ZNF431: variants seen among roughly 807,000 people sequenced by gnomAD.
ZNF431 encodes zinc finger protein 431.
A neutral mutation model predicts 57.0 loss-of-function variants in ZNF431; 34 were observed. The ratio of observed to expected loss-of-function variants is 0.60; its 90% CI spans 0.45 to 0.79. The LOEUF (loss-of-function observed/expected upper bound fraction) is 0.79, where lower values mean the gene tolerates loss of function less well. Among genes scored for constraint, ZNF431 ranks in the 30% least tolerant of loss-of-function variants. The pLI, the probability that ZNF431 is intolerant of heterozygous loss-of-function variation, is 0.00. For missense variants in ZNF431, 607 were observed against 667.1 expected (o/e 0.91, Z 0.99); for synonymous variants, 207 against 220.3 (o/e 0.94, Z 0.54).
In ZNF431 at chr19:21,185,085, G is replaced by T. The variant is rs968280243; in HGVS notation, c.*1051G>T. ...GTTATACTAGAATATATTTTTTCCA[G>T]ATGCAGTAAAAGTAAAATATTTAAT... On this transcript the variant is annotated 3_prime_UTR_variant, in exon 5 of 5. Coordinates refer to ENST00000311048, the MANE Select transcript of ZNF431 (RefSeq NM_133473.4). 2 of 152,074 alleles carry T rather than the reference G, an allele frequency of 1.3e-5. No individual in the cohort carries two copies. Among genetic ancestry groups the T allele is most frequent in the Non-Finnish European group, 2.9e-5 (2 of 68,000 alleles). The allele number at this position is 152,074 out of a possible 1,614,324, so 9.4% of individuals were successfully genotyped here.
intron 4 of ZNF431, among the ~76,000 whole-genome samples, chr19:21,182,127 G>T (rs981261200): frequency 6.6e-6 from 1 of 151,536 alleles, no homozygotes; most frequent in Non-Finnish European, 1.5e-5. Flanking sequence ...TTTACCTTTG[G>T]TCTCAGCAGA....
In ZNF431 at chr19:21,188,264, A is replaced by C. The variant is rs1173857305; in HGVS notation, c.*4230A>C. The C allele has an allele frequency of 6.6e-6, 1 of 151,988 alleles. No homozygotes were observed. The highest frequency in any genetic ancestry group is 1.5e-5 in the Non-Finnish European group (1 of 67,996). 9.4% of individuals were successfully genotyped at this position (151,988 alleles called of 1,614,324 possible). A position where few individuals can be genotyped will look rare whatever the true frequency, so the allele number is the denominator to read the frequency against. On this transcript the variant is annotated 3_prime_UTR_variant, in exon 5 of 5. Coordinates refer to ENST00000311048, the MANE Select transcript of ZNF431 (RefSeq NM_133473.4). ...CAAGAGCGAAATTCTGTCTAAAAAA[A>C]AAAAAAAAAGATAAAAGGTGCAATA...
Position 21,190,833 on chromosome 19 carries a change from G to T in ZNF431, c.*6799G>T, listed in dbSNP as rs530978471. ...AATGCCACTGCGCCCAGCTAATTTT[G>T]TATTTTTAGTAGAGACGGGGTTTTT... On this transcript the variant is annotated 3_prime_UTR_variant, in exon 5 of 5. Coordinates refer to ENST00000311048, the MANE Select transcript of ZNF431 (RefSeq NM_133473.4). The T allele has an allele frequency of 6.6e-6, 1 of 151,834 alleles. No individual in the cohort carries two copies. The highest frequency in any genetic ancestry group is 3.4e-3 in the Middle Eastern group (1 of 294). The allele number at this position is 151,834 out of a possible 1,614,324, so 9.4% of individuals were successfully genotyped here. A position where few individuals can be genotyped will look rare whatever the true frequency, so the allele number is the denominator to read the frequency against.
At chr19:21,180,860 T>C (rs1281760328) in intron 4 of ZNF431, among the ~76,000 whole-genome samples, 1 of 150,882 alleles carries the variant, frequency 6.6e-6, no homozygotes, top group Non-Finnish European at 1.5e-5. Context: ...GGCAAGAGAA[T>C]CACTTGAACC....
chr19:21,169,387 A>G (rs1290845093), intron 4 of ZNF431, among the ~76,000 whole-genome samples: 3 of 152,178 alleles, frequency 2.0e-5, no homozygotes, highest in African/African-American at 7.2e-5. Context: ...AGCATTGACA[A>G]TGGGCGCAAT....
intron 2 of ZNF431, among the ~76,000 whole-genome samples, chr19:21,165,818 A>G (rs1390544680): frequency 1.3e-5 from 2 of 152,086 alleles, no homozygotes. Context: ...TCACTTGCCT[A>G]ATGTTTGACA....
intron 2 of ZNF431, among the ~76,000 whole-genome samples, chr19:21,146,570 G>C (rs1970103042): frequency 6.6e-6 from 1 of 152,166 alleles, no homozygotes; most frequent in South Asian, 2.1e-4. Flanking sequence ...CCCAATTTTA[G>C]ACAATATAGG....
At chr19:21,156,732 T>C (rs1476864109) in intron 2 of ZNF431, among the ~76,000 whole-genome samples, 4 of 152,070 alleles carry the variant, frequency 2.6e-5, no homozygotes, top group Non-Finnish European at 5.9e-5. Flanking sequence ...TCTTCCATGA[T>C]GTTTATGTAC....
chr19:21,168,720 T>C (rs1014019800), intron 4 of ZNF431, among the ~76,000 whole-genome samples: 4 of 152,132 alleles, frequency 2.6e-5, no homozygotes, highest in Admixed American at 2.0e-4. Flanking sequence ...TTCATTGATA[T>C]ATATTTCATT....
intron 4 of ZNF431, chr19:21,175,379 G>A (rs1971020576): frequency 2.9e-6 from 2 of 691,354 alleles, no homozygotes; most frequent in Admixed American, 2.1e-5. Context: ...ACTGCTTAAA[G>A]ATATAAAGTT....
Position 21,184,526 on chromosome 19 carries a change from A to G in ZNF431, c.*492A>G, listed in dbSNP as rs1236532465. 1 of 154,172 alleles carries G rather than the reference A, an allele frequency of 6.5e-6. No homozygotes were observed. Among genetic ancestry groups the G allele is most frequent in the Non-Finnish European group, 1.5e-5 (1 of 68,754 alleles). 9.6% of individuals were successfully genotyped at this position (154,172 alleles called of 1,614,324 possible). A position where few individuals can be genotyped will look rare whatever the true frequency, so the allele number is the denominator to read the frequency against. On this transcript the variant is annotated 3_prime_UTR_variant, in exon 5 of 5. Transcript: ENST00000311048. ...AACTTTTCTAACCATAAAAGTAATTATACTGGTGAGAAATCCTAGAAATCT... is the reference window on the plus strand; with the variant it reads ...AACTTTTCTAACCATAAAAGTAATTGTACTGGTGAGAAATCCTAGAAATCT...
intron 4 of ZNF431, among the ~76,000 whole-genome samples, chr19:21,177,264 A>C (rs1333060277): frequency 6.6e-6 from 1 of 152,180 alleles, no homozygotes; most frequent in Non-Finnish European, 1.5e-5. Flanking sequence ...CAGTTCTCCC[A>C]GCACCATTTA....
At position 21,178,943 on chromosome 19, in the gene ZNF431, A is replaced by G. The variant is rs147895624; in HGVS notation, c.320-3680A>G. ...CATCATTTGGAATCGTTTCAGAAGA[A>G]ATGGTACCAGATCCTCTTTGTGCCT... On this transcript the variant is annotated intron_variant, in intron 4 of 4. Transcript: ENST00000311048. 4.7e-3 allele frequency among the ~76,000 whole-genome samples: 712 copies of G among 152,184 alleles called. 3 individuals carry two copies. The highest frequency in any genetic ancestry group is 0.016 in the African/African-American group (682 of 41,524).
In ZNF431 at chr19:21,184,207, G is replaced by C. The variant is rs1166280075; in HGVS notation, c.*173G>C. ...TCTACTAAAAATACAAAAATTATCT[G>C]GGTGTGGTGGCACGTGCCTGTATTC... On this transcript the variant is annotated 3_prime_UTR_variant, in exon 5 of 5. Transcript: ENST00000311048. 1 of 556,088 alleles carries C rather than the reference G, an allele frequency of 1.8e-6. No homozygotes were observed. The highest frequency in any genetic ancestry group is 3.1e-6 in the Non-Finnish European group (1 of 326,196). The allele number at this position is 556,088 out of a possible 1,614,324, so 34.4% of individuals were successfully genotyped here.
chr19:21,159,061 C>T (rs945558892), intron 2 of ZNF431, among the ~76,000 whole-genome samples: 1 of 152,108 alleles, frequency 6.6e-6, no homozygotes, highest in African/African-American at 2.4e-5. Context: ...TTTTTAGCAT[C>T]TATTGAGATA....
At chr19:21,167,129 A>AT (rs1407181270) in intron 3 of ZNF431, among the ~76,000 whole-genome samples, 1 of 151,142 alleles carries the variant, frequency 6.6e-6, no homozygotes, top group Non-Finnish European at 1.5e-5. Context: ...AAGTGCTGGG[A>AT]TTACAGGCGT....
rs1038245863 is a variant in ZNF431, at chr19:21,192,157, A to G, written c.*8123A>G. On this transcript the variant is annotated 3_prime_UTR_variant, in exon 5 of 5. Transcript: ENST00000311048. ...GGTGCTTTTGTATTTTGAAAGTTTA[A>G]TAAATTTTGTTTATTTATTTATTTA... 1.3e-5 allele frequency: 2 copies of G among 152,072 alleles called. No homozygotes were observed. The highest frequency in any genetic ancestry group is 2.4e-5 in the African/African-American group (1 of 41,412). The allele number at this position is 152,072 out of a possible 1,614,324, so 9.4% of individuals were successfully genotyped here. A position where few individuals can be genotyped will look rare whatever the true frequency, so the allele number is the denominator to read the frequency against.
At chr19:21,156,882 C>G (rs928334291) in intron 2 of ZNF431, among the ~76,000 whole-genome samples, 16 of 152,114 alleles carry the variant, frequency 1.1e-4, no homozygotes, top group African/African-American at 3.9e-4. Context: ...TCAAGGCACC[C>G]TCTTACTTCA....
At chr19:21,169,894 T>C (rs892104148) in intron 4 of ZNF431, 2 of 398,500 alleles carry the variant, frequency 5.0e-6, no homozygotes, top group African/African-American at 4.1e-5. Context: ...TCTGTAAACC[T>C]GTCTGCATGG....
Sources: allele counts gnomAD v4.1 joint callset (sites outside exome capture counted in the v4.1 genomes callset), GRCh38; gene constraint gnomAD v4.1.1; transcripts MANE v1.5; gene names NCBI Gene and HGNC (gene_info 2026-07-23, HGNC 2026-07-21).